The following TNR variants were observed in gnomAD, a reference collection of about 807,000 sequenced individuals.
The protein encoded by TNR is tenascin-R.
TNR carries 45 observed loss-of-function variants against 150.4 expected under a neutral mutation model. The observed-to-expected ratio is 0.30, with a 90% CI of 0.24 to 0.38. The LOEUF (loss-of-function observed/expected upper bound fraction) is 0.38. Among genes scored for constraint, TNR ranks in the 10% least tolerant of loss-of-function variants. TNR has a pLI of 1.00. For missense variants in TNR, 1,544 were observed against 1,759.1 expected (o/e 0.88, Z 2.19); for synonymous variants, 687 against 678.4 (o/e 1.01, Z -0.20).
At chr1:175,580,186 AT>A (rs1215075975) in intron 1 of TNR, among the ~76,000 whole-genome samples, 1 of 152,148 alleles carries the variant, frequency 6.6e-6, no homozygotes, top group East Asian at 1.9e-4. Context: ...TATTTTGACA[AT>A]TCTGTCTTGC....
intron 9 of TNR, among the ~76,000 whole-genome samples, chr1:175,370,376 T>G (rs1044240037): frequency 2.4e-5 from 3 of 125,526 alleles, no homozygotes; most frequent in South Asian, 2.9e-4. Flanking sequence ...TTTTGGTGAG[T>G]GGTCTCATCA....
intron 1 of TNR, among the ~76,000 whole-genome samples, chr1:175,536,744 T>A (rs1660307941): frequency 1.3e-5 from 2 of 152,214 alleles, no homozygotes; most frequent in Admixed American, 6.5e-5. Context: ...GGCTGAGGTT[T>A]TTGGTCATCT....
chr1:175,567,893 CA>C (rs144269008), intron 1 of TNR, among the ~76,000 whole-genome samples: 7,126 of 152,156 alleles, frequency 0.047, 574 homozygotes, highest in African/African-American at 0.16. Flanking sequence ...AAAAAAAAAT[CA>C]AGGAAAACAA....
intron 1 of TNR, among the ~76,000 whole-genome samples, chr1:175,604,007 C>T (rs547171829): frequency 3.3e-5 from 5 of 152,280 alleles, no homozygotes; most frequent in Admixed American, 1.3e-4. Flanking sequence ...TGGGAGCACA[C>T]CAGTGCTCCC....
chr1:175,354,295 A>G, intron 18 of TNR, 96 bp downstream of exon 18: 2 of 1,492,596 alleles, frequency 1.3e-6, no homozygotes, highest in Non-Finnish European at 1.8e-6. Flanking sequence ...AGCTTTTTTG[A>G]TAAACTGCTC....
intron 2 of TNR, among the ~76,000 whole-genome samples, chr1:175,517,347 A>C (rs1659456552): frequency 6.6e-6 from 1 of 152,188 alleles, no homozygotes; most frequent in Non-Finnish European, 1.5e-5. Context: ...GTGACTTCAC[A>C]GGGGAAAAGT....
intron 5 of TNR, among the ~76,000 whole-genome samples, chr1:175,395,997 C>T (rs1653408521): frequency 6.6e-6 from 1 of 152,146 alleles, no homozygotes. Context: ...AGGGCTTCAA[C>T]TTTTATAACT....
At chr1:175,572,092 TGGA>T (rs1661896868) in intron 1 of TNR, among the ~76,000 whole-genome samples, 1 of 152,100 alleles carries the variant, frequency 6.6e-6, no homozygotes, top group South Asian at 2.1e-4. Context: ...CTTCTACACC[TGGA>T]TTGGACAGGA....
chr1:175,526,262 C>CT (rs1198100631), intron 2 of TNR, among the ~76,000 whole-genome samples: 5 of 151,830 alleles, frequency 3.3e-5, no homozygotes. Context: ...AAGTAAATGG[C>CT]TAAATAATAG....
Position 175,319,720 on chromosome 1 carries a change from G to A in TNR, c.*3637C>T, listed in dbSNP as rs1648945036. The A allele has an allele frequency of 6.6e-6, 1 of 152,342 alleles. No homozygotes were observed. The highest frequency in any genetic ancestry group is 1.9e-4 in the East Asian group (1 of 5,188). The allele number at this position is 152,342 out of a possible 1,614,324, so 9.4% of individuals were successfully genotyped here. On this transcript the variant is annotated 3_prime_UTR_variant, in exon 23 of 23. Transcript: ENST00000367674. ...AATCTCCCATACAAATCAGCTGGCCGGTTTTCCTGAGTCCTGGTTTGGCTC... is the reference window on the plus strand; with the variant it reads ...AATCTCCCATACAAATCAGCTGGCCAGTTTTCCTGAGTCCTGGTTTGGCTC...
chr1:175,617,864 A>T (rs1463222297), intron 1 of TNR, among the ~76,000 whole-genome samples: 1 of 152,164 alleles, frequency 6.6e-6, no homozygotes, highest in African/African-American at 2.4e-5. Flanking sequence ...TTTTCAAAGT[A>T]GTTTTCATTT....
chr1:175,713,625 C>T (rs1475314184), intron 1 of TNR, among the ~76,000 whole-genome samples: 1 of 152,172 alleles, frequency 6.6e-6, no homozygotes, highest in African/African-American at 2.4e-5. Flanking sequence ...TCACCAAAAC[C>T]CAGGTCCTAA....
In TNR at chr1:175,725,652, A is replaced by G. The variant is rs926303811; in HGVS notation, c.-165+17574T>C. 2.0e-5 allele frequency among the ~76,000 whole-genome samples: 3 copies of G among 152,226 alleles called. No homozygotes were observed. In the East Asian group the frequency reaches 5.8e-4, roughly 29 times the overall value. ...TAACAGGCAAGAGAAGATGTGGGGA[A>G]AATAGGTACTTGTTTTAATAGTAGA... On this transcript the variant is annotated intron_variant, in intron 1 of 22. Coordinates refer to ENST00000367674, the MANE Select transcript of TNR (RefSeq NM_003285.3).
At chr1:175,407,964 C>T (rs769744898) in intron 2 of TNR, among the ~76,000 whole-genome samples, 6 of 152,198 alleles carry the variant, frequency 3.9e-5, no homozygotes, top group Admixed American at 2.0e-4. Context: ...CCAGGAATAT[C>T]GCGATTAGAA....
intron 1 of TNR, among the ~76,000 whole-genome samples, chr1:175,631,331 T>C (rs1664319537): frequency 6.6e-6 from 1 of 152,246 alleles, no homozygotes; most frequent in African/African-American, 2.4e-5. Flanking sequence ...ATCCTTACAA[T>C]GGAATGTTAT....
intron 1 of TNR, among the ~76,000 whole-genome samples, chr1:175,568,155 A>AGCTGTGGACCT (rs1260224158): frequency 4.6e-5 from 7 of 152,250 alleles, no homozygotes; most frequent in Non-Finnish European, 7.3e-5. Context: ...ACTCAGGTCC[A>AGCTGTGGACCT]GCTGTGGACA....
At chr1:175,430,552 G>A (rs1003373873) in intron 2 of TNR, among the ~76,000 whole-genome samples, 2 of 152,170 alleles carry the variant, frequency 1.3e-5, no homozygotes, top group Admixed American at 1.3e-4. Flanking sequence ...GAATCAGAAA[G>A]CAGAATTTAG....
intron 1 of TNR, among the ~76,000 whole-genome samples, chr1:175,530,461 G>A (rs1660019371): frequency 6.6e-6 from 1 of 152,222 alleles, no homozygotes; most frequent in Admixed American, 6.5e-5. Flanking sequence ...AACGCTCCCA[G>A]CAGCTGCAAA....
chr1:175,346,144 T>G (rs1442882543), intron 18 of TNR, among the ~76,000 whole-genome samples: 2 of 152,250 alleles, frequency 1.3e-5, no homozygotes, highest in East Asian at 3.8e-4. Flanking sequence ...TACGGAAGGT[T>G]TGCCTTACAA....
Sources: allele counts gnomAD v4.1 joint callset (sites outside exome capture counted in the v4.1 genomes callset), GRCh38; gene constraint gnomAD v4.1.1; transcripts MANE v1.5; gene names NCBI Gene and HGNC (gene_info 2026-07-23, HGNC 2026-07-21).